NAV3: variants seen among roughly 807,000 people sequenced by gnomAD.
The protein encoded by NAV3 is neuron navigator 3.
NAV3 carries 87 observed loss-of-function variants against 244.7 expected under a neutral mutation model. That is an observed-to-expected ratio of 0.36 (90% CI 0.30 to 0.42). The LOEUF (loss-of-function observed/expected upper bound fraction) is 0.42. Among genes scored for constraint, NAV3 ranks in the 20% least tolerant of loss-of-function variants. The pLI is 1.00. For synonymous variants in NAV3, 1,126 were observed against 1,042.2 expected (o/e 1.08, Z -1.55); for missense variants, 2,663 against 2,893.3 (o/e 0.92, Z 1.83).
intron 2 of NAV3, among the ~76,000 whole-genome samples, chr12:77,647,308 GTAATAGAAAGACTT>G (rs1187850594): frequency 2.6e-5 from 4 of 152,100 alleles, no homozygotes; most frequent in African/African-American, 9.7e-5. Context: ...AATTCCCCAT[GTAATAGAAAGACTT>G]TAAACGCCTT....
chr12:77,802,387 G>A (rs903813087), intron 2 of NAV3, among the ~76,000 whole-genome samples: 3 of 152,170 alleles, frequency 2.0e-5, no homozygotes, highest in Admixed American at 2.0e-4. Context: ...AGTTATTTGA[G>A]AATTTAGATG....
At chr12:77,936,920 A>G (rs908499742) in intron 1 of NAV3, among the ~76,000 whole-genome samples, 1 of 152,188 alleles carries the variant, frequency 6.6e-6, no homozygotes, top group Non-Finnish European at 1.5e-5. Flanking sequence ...CAACTTACAC[A>G]TATACAATTT....
Position 78,199,234 on chromosome 12 carries a change from T to C in NAV3, c.6519-101T>C, listed in dbSNP as rs780773097. The C allele has an allele frequency of 4.1e-6, 4 of 974,476 alleles. No homozygotes were observed. In the African/African-American group the frequency reaches 6.7e-5, roughly 16 times the overall value. 60.4% of individuals were successfully genotyped at this position (974,476 alleles called of 1,614,324 possible). ...GAAATGGGAACATTATTACTTTCTA[T>C]TGGAAAGTAATAATGAATAAATAAA... is the stretch of plus-strand genomic sequence containing the variant. On this transcript the variant is annotated intron_variant, in intron 36 of 39. Coordinates refer to ENST00000397909, the MANE Select transcript of NAV3 (RefSeq NM_001024383.2).
intron 3 of NAV3, among the ~76,000 whole-genome samples, chr12:77,949,867 C>T (rs574661824): frequency 1.7e-4 from 26 of 152,142 alleles, no homozygotes; most frequent in South Asian, 1.0e-3. Flanking sequence ...GTTTTACTGT[C>T]CCTGTGGTTT....
At chr12:77,580,106 G>C (rs1351180227) in intron 2 of NAV3, among the ~76,000 whole-genome samples, 1 of 151,870 alleles carries the variant, frequency 6.6e-6, no homozygotes, top group African/African-American at 2.4e-5. Flanking sequence ...CTCAAATCAC[G>C]GCACTCCATT....
At chr12:77,670,904 T>G (rs769913507) in intron 2 of NAV3, among the ~76,000 whole-genome samples, 7 of 152,130 alleles carry the variant, frequency 4.6e-5, no homozygotes, top group Non-Finnish European at 1.0e-4. Flanking sequence ...CTTTCACCAC[T>G]TGTATTCAAC....
At chr12:77,668,432 A>C (rs1873817546) in intron 2 of NAV3, among the ~76,000 whole-genome samples, 1 of 152,196 alleles carries the variant, frequency 6.6e-6, no homozygotes, top group Admixed American at 6.5e-5. Flanking sequence ...AAATAGCATA[A>C]ATAAAAAATG....
intron 16 of NAV3, among the ~76,000 whole-genome samples, chr12:78,125,644 A>G (rs1294206942): frequency 6.6e-6 from 1 of 152,200 alleles, no homozygotes; most frequent in Non-Finnish European, 1.5e-5. Flanking sequence ...CAGACTGTTG[A>G]CTGAAATCCC....
At chr12:77,836,899 A>T (rs766960000) in intron 1 of NAV3, among the ~76,000 whole-genome samples, 13 of 152,038 alleles carry the variant, frequency 8.6e-5, no homozygotes, top group Non-Finnish European at 1.8e-4. Context: ...ATTCCTATTC[A>T]CTCTGCTAGT....
chr12:78,014,665 C>T (rs1875874933), intron 8 of NAV3, among the ~76,000 whole-genome samples: 1 of 152,016 alleles, frequency 6.6e-6, no homozygotes, highest in Non-Finnish European at 1.5e-5. Context: ...GAATGCAAAA[C>T]ATTAGTTTTG....
At chr12:77,643,539 T>G (rs1286097103) in intron 2 of NAV3, among the ~76,000 whole-genome samples, 1 of 151,692 alleles carries the variant, frequency 6.6e-6, no homozygotes, top group Non-Finnish European at 1.5e-5. Context: ...TTTAAATTAG[T>G]TTAGCAAAAT....
intron 1 of NAV3, among the ~76,000 whole-genome samples, chr12:77,921,429 A>G (rs1394267757): frequency 6.6e-6 from 1 of 152,084 alleles, no homozygotes; most frequent in Non-Finnish European, 1.5e-5. Flanking sequence ...AAAATCCTGA[A>G]ACCGAGAAGT....
intron 2 of NAV3, among the ~76,000 whole-genome samples, chr12:77,583,139 T>C (rs1401568046): frequency 5.9e-5 from 9 of 152,252 alleles, no homozygotes; most frequent in Admixed American, 5.9e-4. Context: ...TGAGGCTGCC[T>C]CTTAAGAATG....
intron 2 of NAV3, among the ~76,000 whole-genome samples, chr12:77,603,451 G>C (rs1870529961): frequency 6.7e-6 from 1 of 150,106 alleles, no homozygotes; most frequent in African/African-American, 2.5e-5. Context: ...AGAAAATGTA[G>C]ATCTGCTTTC....
At chr12:78,207,108 T>C (rs572442886) in intron 39 of NAV3, among the ~76,000 whole-genome samples, 41 of 152,256 alleles carry the variant, frequency 2.7e-4, no homozygotes, top group Admixed American at 1.2e-3. Flanking sequence ...TATGTATTTT[T>C]GTAATTACTA....
At chr12:78,107,269 T>G (rs997821613) in intron 12 of NAV3, among the ~76,000 whole-genome samples, 1 of 152,054 alleles carries the variant, frequency 6.6e-6, no homozygotes, top group African/African-American at 2.4e-5. Flanking sequence ...TGACCAAATA[T>G]ACGAATTATA....
chr12:77,645,536 T>TAAA (rs756805711), intron 2 of NAV3, among the ~76,000 whole-genome samples: 3,076 of 62,882 alleles, frequency 0.049, 273 homozygotes, highest in African/African-American at 0.18. Context: ...TCTCTCTCTC[T>TAAA]AAAAAAAAAA....
chr12:77,933,277 G>T (rs1014865206), intron 1 of NAV3, among the ~76,000 whole-genome samples: 1 of 152,142 alleles, frequency 6.6e-6, no homozygotes, highest in Non-Finnish European at 1.5e-5. Flanking sequence ...ATGACTGTTA[G>T]AGTGATTGGG....
chr12:77,952,130 T>C (rs1485604753), intron 3 of NAV3, among the ~76,000 whole-genome samples: 2 of 151,996 alleles, frequency 1.3e-5, no homozygotes, highest in Non-Finnish European at 2.9e-5. Context: ...CTTTGTAAAC[T>C]TCGGATGATG....
Sources: gnomAD v4.1 joint callset for allele counts (sites outside exome capture counted in the v4.1 genomes callset) on GRCh38, gnomAD v4.1.1 for gene constraint, MANE v1.5 for transcripts, NCBI Gene and HGNC (gene_info 2026-07-23, HGNC 2026-07-21) for gene names.